Variants in NARS2 observed in about 807,000 individuals in gnomAD.
NARS2 encodes asparaginyl-tRNA synthetase 2, mitochondrial.
Under a neutral mutation model 62.9 loss-of-function variants are expected in NARS2, and 60 were observed. The ratio of observed to expected loss-of-function variants is 0.95; its 90% CI spans 0.77 to 1.18. The LOEUF (loss-of-function observed/expected upper bound fraction) is 1.18. NARS2 is among the 50% of genes most tolerant of loss of function. NARS2 has a pLI of 0.00. For missense variants in NARS2, 619 were observed against 576.4 expected (o/e 1.07, Z -0.76); for synonymous variants, 196 against 200.0 (o/e 0.98, Z 0.17).
chr11:78,541,452 G>A (rs1268821703), intron 5 of NARS2, among the ~76,000 whole-genome samples: 1 of 151,810 alleles, frequency 6.6e-6, no homozygotes. Context: ...ATACCACTGT[G>A]CCCAGCTCTC....
At position 78,443,670 on chromosome 11, in the gene NARS2, C is replaced by CCTTA. The variant is rs2135141043; in HGVS notation, c.1252_1253insTAAG (p.Arg418LeufsTer34). 1 of 1,611,164 alleles carries CCTTA rather than the reference C, an allele frequency of 6.2e-7. No homozygotes were observed. The highest frequency in any genetic ancestry group is 8.5e-7 in the Non-Finnish European group (1 of 1,177,500). ...TAGGTCTGACCAGTACCTGGCTAAG[C>CCTTA]GCTCCTCTAAGAAATGGTATCGTTC... On this transcript the variant is annotated frameshift_variant, in exon 12 of 14. Coordinates refer to ENST00000281038, the MANE Select transcript of NARS2 (RefSeq NM_024678.6). LOFTEE classifies it high-confidence loss of function.
intron 7 of NARS2, among the ~76,000 whole-genome samples, chr11:78,482,716 C>A (rs1019977467): frequency 6.6e-6 from 1 of 152,152 alleles, no homozygotes; most frequent in African/African-American, 2.4e-5. Context: ...CCTGAATAGA[C>A]CAATAACAAG....
Position 78,533,393 on chromosome 11 carries a change from G to A in NARS2, c.595-4457C>T, listed in dbSNP as rs537495322. On this transcript the variant is annotated intron_variant, in intron 5 of 13. Coordinates refer to ENST00000281038, the MANE Select transcript of NARS2 (RefSeq NM_024678.6). ...TCTCTGAGATTAAAAAGTCTTGCTTGTCTTATTCACTACAGTTTGTAACCT... is the reference window on the plus strand; with the variant it reads ...TCTCTGAGATTAAAAAGTCTTGCTTATCTTATTCACTACAGTTTGTAACCT... 3 of 152,088 alleles carry A rather than the reference G, an allele frequency of 2.0e-5. No individual in the cohort carries two copies. In the South Asian group the frequency reaches 6.2e-4, roughly 31 times the overall value. The allele number at this position is 152,088 out of a possible 1,614,324, so 9.4% of individuals were successfully genotyped here.
In NARS2 at chr11:78,452,373, C is replaced by T. The variant is rs1212057275; in HGVS notation, c.1165-8615G>A. On this transcript the variant is annotated intron_variant, in intron 11 of 13. Coordinates refer to ENST00000281038, the MANE Select transcript of NARS2 (RefSeq NM_024678.6). Reference sequence around the variant, plus strand: ...CCACCTGCCTCGGCTTCCTAAAGTTCTGGGATTACAGGCGTCAGCCACCGT... The same window carrying T: ...CCACCTGCCTCGGCTTCCTAAAGTTTTGGGATTACAGGCGTCAGCCACCGT... Among the ~76,000 whole-genome samples, 3 of 151,518 alleles carry T rather than the reference C, an allele frequency of 2.0e-5. No homozygotes were observed. The East Asian group carries it at 5.8e-4, about 29-fold the overall frequency.
At chr11:78,555,822 T>C (rs930101561) in intron 5 of NARS2, among the ~76,000 whole-genome samples, 1 of 152,212 alleles carries the variant, frequency 6.6e-6, no homozygotes, top group Non-Finnish European at 1.5e-5. Flanking sequence ...CGTTTAGTGC[T>C]ATGATTTTCC....
At chr11:78,490,341 G>A (rs1859767165) in intron 7 of NARS2, among the ~76,000 whole-genome samples, 1 of 152,078 alleles carries the variant, frequency 6.6e-6, no homozygotes, top group Non-Finnish European at 1.5e-5. Context: ...ACTTATTTTG[G>A]AATATATCTG....
intron 11 of NARS2, among the ~76,000 whole-genome samples, chr11:78,457,023 T>C (rs1421094587): frequency 1.3e-5 from 2 of 152,190 alleles, no homozygotes; most frequent in African/African-American, 2.4e-5. Flanking sequence ...CTTAATCCAA[T>C]TCTCTGATTA....
At chr11:78,527,011 A>G (rs1203874415) in intron 6 of NARS2, among the ~76,000 whole-genome samples, 7 of 152,162 alleles carry the variant, frequency 4.6e-5, no homozygotes, top group Non-Finnish European at 8.8e-5. Context: ...TTGTTCCATT[A>G]GTCTATTTAA....
chr11:78,563,848 AAAAATATATAT>A (rs1450587121), intron 4 of NARS2, among the ~76,000 whole-genome samples: 1 of 57,734 alleles, frequency 1.7e-5, no homozygotes, highest in African/African-American at 7.5e-5. Context: ...AAAAAAAAAA[AAAAATATATAT>A]ATATATATAT....
At chr11:78,530,039 T>A (rs971715116) in intron 5 of NARS2, among the ~76,000 whole-genome samples, 1 of 152,214 alleles carries the variant, frequency 6.6e-6, no homozygotes, top group Non-Finnish European at 1.5e-5. Flanking sequence ...TGTATCGGTA[T>A]CTGTGGATAA....
At chr11:78,543,011 G>A (rs996567343) in intron 5 of NARS2, among the ~76,000 whole-genome samples, 2 of 152,172 alleles carry the variant, frequency 1.3e-5, no homozygotes, top group Non-Finnish European at 2.9e-5. Context: ...ACCTCTGGCT[G>A]TGGTAATCAA....
At chr11:78,521,400 T>C (rs1247562567) in intron 6 of NARS2, among the ~76,000 whole-genome samples, 1 of 152,074 alleles carries the variant, frequency 6.6e-6, no homozygotes, top group Non-Finnish European at 1.5e-5. Flanking sequence ...CTTGAACTAG[T>C]GGCTTCAAGT....
At chr11:78,565,881 G>T (rs1856726683) in intron 4 of NARS2, among the ~76,000 whole-genome samples, 1 of 152,136 alleles carries the variant, frequency 6.6e-6, no homozygotes, top group Admixed American at 6.5e-5. Flanking sequence ...ACATAAGCAA[G>T]ACCTCAAAGG....
At chr11:78,552,699 C>G (rs74362243) in intron 5 of NARS2, among the ~76,000 whole-genome samples, 3,622 of 152,248 alleles carry the variant, frequency 0.024, 133 homozygotes, top group African/African-American at 0.082. Context: ...GCCCCCTCCC[C>G]ACTTCGAGTT....
At chr11:78,467,202 T>C (rs939852407) in intron 10 of NARS2, among the ~76,000 whole-genome samples, 4 of 152,218 alleles carry the variant, frequency 2.6e-5, no homozygotes, top group African/African-American at 4.8e-5. Flanking sequence ...ATTATACATA[T>C]GTCCATTGAC....
chr11:78,508,724 G>C (rs761445563), intron 6 of NARS2, among the ~76,000 whole-genome samples: 1 of 151,884 alleles, frequency 6.6e-6, no homozygotes, highest in Non-Finnish European at 1.5e-5. Context: ...TAACCTCAAA[G>C]AGGTTCATGC....
intron 7 of NARS2, among the ~76,000 whole-genome samples, chr11:78,487,079 G>C (rs920840514): frequency 1.5e-4 from 23 of 152,084 alleles, no homozygotes; most frequent in African/African-American, 5.3e-4. Context: ...ATACTAGCCA[G>C]GCATGGTGGC....
At chr11:78,529,024 C>G in intron 5 of NARS2, 88 bp from the exon 6 acceptor site, 1 of 854,774 alleles carries the variant, frequency 1.2e-6, no homozygotes, top group Admixed American at 2.1e-5. Flanking sequence ...CTAAAAATCA[C>G]AATGCAATTA....
intron 5 of NARS2, among the ~76,000 whole-genome samples, chr11:78,539,790 C>T (rs115469918): frequency 1.9e-4 from 29 of 152,164 alleles, no homozygotes; most frequent in African/African-American, 6.5e-4. Flanking sequence ...GCAATATATA[C>T]AAAGTCCTGC....
Sources: allele counts gnomAD v4.1 joint callset (sites outside exome capture counted in the v4.1 genomes callset), GRCh38; gene constraint gnomAD v4.1.1; transcripts MANE v1.5; gene names NCBI Gene and HGNC (gene_info 2026-07-23, HGNC 2026-07-21).